TEKT5: variants seen among roughly 807,000 people sequenced by gnomAD.
TEKT5 encodes the protein tektin 5.
TEKT5 carries 52 observed loss-of-function variants against 48.7 expected under a neutral mutation model. The ratio of observed to expected loss-of-function variants is 1.07; its 90% CI spans 0.86 to 1.35. TEKT5 has a LOEUF of 1.35. Ranked by LOEUF, TEKT5 falls within the 40% of genes most tolerant of loss-of-function variation. The pLI is 0.00. For synonymous variants in TEKT5, 318 were observed against 267.6 expected (o/e 1.19, Z -1.84); for missense variants, 831 against 641.6 (o/e 1.30, Z -3.19).
At chr16:10,668,524 A>G (rs2541507) in intron 5 of TEKT5, among the ~76,000 whole-genome samples, 51,870 of 152,012 alleles carry the variant, frequency 0.34, 10,033 homozygotes, top group East Asian at 0.54. Context: ...CCACTGCACA[A>G]TGGGTTCCAG....
At chr16:10,651,695 C>G (rs1026553700) in intron 5 of TEKT5, among the ~76,000 whole-genome samples, 23 of 152,260 alleles carry the variant, frequency 1.5e-4, no homozygotes, top group African/African-American at 5.5e-4. Flanking sequence ...TGTGGTGGCT[C>G]TCACCTGTAA....
At chr16:10,687,519 G>A (rs1347256347) in intron 3 of TEKT5, among the ~76,000 whole-genome samples, 1 of 152,268 alleles carries the variant, frequency 6.6e-6, no homozygotes, top group East Asian at 1.9e-4. Flanking sequence ...GTGGGAGCCT[G>A]AGGTGGGCAG....
intron 1 of TEKT5, among the ~76,000 whole-genome samples, chr16:10,693,199 G>C (rs1050028721): frequency 6.6e-6 from 1 of 152,190 alleles, no homozygotes; most frequent in Non-Finnish European, 1.5e-5. Flanking sequence ...GGGTTCAAGA[G>C]ATTCTTATGC....
At chr16:10,652,889 C>T (rs981316172) in intron 5 of TEKT5, among the ~76,000 whole-genome samples, 1 of 144,766 alleles carries the variant, frequency 6.9e-6, no homozygotes, top group African/African-American at 2.6e-5. Context: ...TCAGGTAGAG[C>T]GATCCCTTAT....
intron 4 of TEKT5, among the ~76,000 whole-genome samples, chr16:10,676,588 C>T (rs1898651561): frequency 6.6e-6 from 1 of 152,166 alleles, no homozygotes; most frequent in Non-Finnish European, 1.5e-5. Context: ...CTAACACCCA[C>T]ACCACCACCA....
At chr16:10,639,733 A>G (rs1026737108) in intron 5 of TEKT5, among the ~76,000 whole-genome samples, 22 of 152,230 alleles carry the variant, frequency 1.4e-4, no homozygotes, top group Non-Finnish European at 2.9e-5. Flanking sequence ...CATCTCTGGC[A>G]TAAGCAAAGG....
intron 5 of TEKT5, among the ~76,000 whole-genome samples, chr16:10,637,287 C>T (rs1342089856): frequency 3.3e-5 from 5 of 151,366 alleles, no homozygotes; most frequent in Admixed American, 6.6e-5. Context: ...CCACCTGCCT[C>T]GGCCTCCCAA....
At chr16:10,634,568 G>C (rs1454188496) in intron 6 of TEKT5, among the ~76,000 whole-genome samples, 1 of 152,150 alleles carries the variant, frequency 6.6e-6, no homozygotes, top group East Asian at 1.9e-4. Context: ...AATGATGTGG[G>C]GTCCTCCTGG....
chr16:10,686,808 C>T (rs944234167), intron 3 of TEKT5, among the ~76,000 whole-genome samples: 11 of 152,210 alleles, frequency 7.2e-5, no homozygotes, highest in African/African-American at 2.6e-4. Context: ...GCACAATTTA[C>T]GATAGCCAAG....
chr16:10,645,349 A>G (rs920303183), intron 5 of TEKT5, among the ~76,000 whole-genome samples: 2 of 151,948 alleles, frequency 1.3e-5, no homozygotes, highest in African/African-American at 4.8e-5. Context: ...ATCTCTACAA[A>G]AAATACAAAA....
chr16:10,682,070 G>A lies in TEKT5; in HGVS notation c.786C>T (p.Ile262=), dbSNP rs148685770. Residue 262 remains isoleucine (I), a synonymous_variant, in exon 4 of 7, where the codon ATC becomes ATT. Coordinates refer to ENST00000283025, the MANE Select transcript of TEKT5 (RefSeq NM_144674.2). ...DLEDKSSAQC[I]DEKCFNLRNT... is the part of the protein sequence containing the mutation. Reference sequence around the variant, plus strand: ...TTCTCAGGTTAAAGCACTTCTCATCGATACACTGGGCCGAGCTTTTGTCTT... The same window carrying A: ...TTCTCAGGTTAAAGCACTTCTCATCAATACACTGGGCCGAGCTTTTGTCTT... 8.6e-5 allele frequency: 139 copies of A among 1,614,016 alleles called. No homozygotes were observed. The highest frequency in any genetic ancestry group is 9.7e-5 in the Non-Finnish European group (115 of 1,180,030).
intron 5 of TEKT5, among the ~76,000 whole-genome samples, chr16:10,656,903 G>C (rs550571476): frequency 2.6e-4 from 40 of 151,592 alleles, no homozygotes; most frequent in African/African-American, 9.4e-4. Flanking sequence ...ACCATGCCTG[G>C]CTAATTTATT....
intron 5 of TEKT5, among the ~76,000 whole-genome samples, chr16:10,661,240 C>G (rs571605048): frequency 6.6e-6 from 1 of 152,110 alleles, no homozygotes; most frequent in Non-Finnish European, 1.5e-5. Flanking sequence ...ATAAACTATT[C>G]CAGGGGAAAT....
In TEKT5 at chr16:10,689,868, G is replaced by A. The variant is rs770807155; in HGVS notation, c.648+74C>T. The A allele has an allele frequency of 1.1e-5, 16 of 1,434,708 alleles. No homozygotes were observed. The South Asian group carries it at 1.4e-4, about 13-fold the overall frequency. 88.9% of individuals were successfully genotyped at this position (1,434,708 alleles called of 1,614,324 possible). On this transcript the variant is annotated intron_variant, in intron 2 of 6. Coordinates refer to ENST00000283025, the MANE Select transcript of TEKT5 (RefSeq NM_144674.2). The stretch of plus-strand genomic sequence containing the variant: ...GTGTGGCTTCTGCTCCTGACAGGTA[G>A]CTCAGTAATTTCTCTGACCTGCTGG...
chr16:10,672,202 T>C (rs1898559960), intron 5 of TEKT5, among the ~76,000 whole-genome samples: 1 of 150,238 alleles, frequency 6.7e-6, no homozygotes, highest in East Asian at 2.0e-4. Context: ...AATGGGTCTT[T>C]GCATGAAAAA....
chr16:10,657,320 G>A (rs1567229473), intron 5 of TEKT5, among the ~76,000 whole-genome samples: 1 of 151,648 alleles, frequency 6.6e-6, no homozygotes, highest in Non-Finnish European at 1.5e-5. Context: ...TAGAAACAGG[G>A]TTTCACCATG....
chr16:10,659,918 T>C (rs528932340), intron 5 of TEKT5, among the ~76,000 whole-genome samples: 50 of 152,230 alleles, frequency 3.3e-4, no homozygotes, highest in African/African-American at 1.2e-3. Context: ...TGGCAGTGAA[T>C]TGTTCACTTT....
At chr16:10,628,174 T>C (rs1215219221) in intron 6 of TEKT5, among the ~76,000 whole-genome samples, 1 of 152,178 alleles carries the variant, frequency 6.6e-6, no homozygotes, top group African/African-American at 2.4e-5. Context: ...TCAAGGTAGA[T>C]GCACTCACTG....
intron 5 of TEKT5, among the ~76,000 whole-genome samples, chr16:10,675,325 G>C (rs540244083): frequency 6.6e-6 from 1 of 152,156 alleles, no homozygotes; most frequent in Non-Finnish European, 1.5e-5. Context: ...CTGGCACCCA[G>C]TGGGAATCTA....
Sources: allele counts gnomAD v4.1 joint callset (sites outside exome capture counted in the v4.1 genomes callset), GRCh38; gene constraint gnomAD v4.1.1; transcripts MANE v1.5; gene names NCBI Gene and HGNC (gene_info 2026-07-23, HGNC 2026-07-21).